Variants in HCK observed in about 807,000 individuals in gnomAD.
HCK encodes HCK proto-oncogene, Src family tyrosine kinase.
HCK carries 40 observed loss-of-function variants against 70.4 expected under a neutral mutation model. The observed-to-expected ratio is 0.57, with a 90% CI of 0.44 to 0.74. The LOEUF (loss-of-function observed/expected upper bound fraction) is 0.74. Among genes scored for constraint, HCK ranks in the 30% least tolerant of loss-of-function variants. The pLI is 0.00. For missense variants in HCK, 568 were observed against 697.2 expected (o/e 0.81, Z 2.09); for synonymous variants, 245 against 263.2 (o/e 0.93, Z 0.67).
intron 1 of HCK, among the ~76,000 whole-genome samples, chr20:32,060,855 G>A (rs1361398211): frequency 2.8e-4 from 43 of 151,954 alleles, no homozygotes; most frequent in Non-Finnish European, 1.8e-4. Context: ...AGAGCCATCA[G>A]ATAGTGGGGT....
intron 11 of HCK, among the ~76,000 whole-genome samples, chr20:32,094,819 A>AAG (rs2045929869): frequency 4.8e-5 from 7 of 146,162 alleles, no homozygotes; most frequent in Admixed American, 2.0e-4. Flanking sequence ...GAAAGAAAGA[A>AAG]AGAAAGAAAG....
chr20:32,061,008 G>C (rs373284340), intron 1 of HCK, among the ~76,000 whole-genome samples: 2 of 152,000 alleles, frequency 1.3e-5, no homozygotes, highest in Admixed American at 1.3e-4. Context: ...TTTTGAGACA[G>C]AGTCTTGCTC....
At chr20:32,059,419 C>T (rs6119756) in intron 1 of HCK, among the ~76,000 whole-genome samples, 83 of 145,290 alleles carry the variant, frequency 5.7e-4, no homozygotes, top group East Asian at 3.1e-3. Flanking sequence ...TTCTCTCTCT[C>T]TCTTTCTTTC....
At chr20:32,088,777 A>G (rs2045825172) in intron 10 of HCK, 133 bp downstream of exon 10, 3 of 653,506 alleles carry the variant, frequency 4.6e-6, no homozygotes, top group African/African-American at 3.7e-5. Context: ...CTCAGTATAA[A>G]ACTATGTTTT....
At chr20:32,058,269 C>T (rs575875420) in intron 1 of HCK, among the ~76,000 whole-genome samples, 4 of 152,104 alleles carry the variant, frequency 2.6e-5, no homozygotes, top group African/African-American at 7.2e-5. Context: ...CGGTGGCTCA[C>T]ACCTGTAATC....
chr20:32,053,994 G>A (rs186252870), intron 1 of HCK, among the ~76,000 whole-genome samples: 7 of 149,358 alleles, frequency 4.7e-5, no homozygotes, highest in African/African-American at 1.8e-4. Flanking sequence ...TCTCTTTATG[G>A]TCCTTTTTTT....
At chr20:32,067,758 G>A (rs2045480524) in intron 1 of HCK, among the ~76,000 whole-genome samples, 1 of 151,906 alleles carries the variant, frequency 6.6e-6, no homozygotes, top group African/African-American at 2.4e-5. Context: ...TTTGCATATG[G>A]TGGCTCTGAG....
Position 32,075,002 on chromosome 20 carries a change from C to A in HCK, c.428+281C>A, listed in dbSNP as rs3746601. ...GACCTGGTTTCTTTGGTTGGTTACA[C>A]GTGCATTCTCTGCCTGCCCTGCAAG... On this transcript the variant is annotated intron_variant, in intron 5 of 12. Coordinates refer to ENST00000375852, the MANE Select transcript of HCK (RefSeq NM_002110.5). Among the ~76,000 whole-genome samples the A allele has an allele frequency of 0.51, 78,011 of 152,100 alleles. 22,864 individuals carry two copies. The highest frequency in any genetic ancestry group is 0.71 in the East Asian group (3,662 of 5,176).
intron 1 of HCK, among the ~76,000 whole-genome samples, chr20:32,058,530 CAAA>C (rs11472244): frequency 1.5e-5 from 2 of 130,538 alleles, no homozygotes; most frequent in Admixed American, 7.9e-5. Flanking sequence ...AAGACTCTGT[CAAA>C]AAAAAAAAAA....
intron 1 of HCK, among the ~76,000 whole-genome samples, chr20:32,058,017 C>T (rs1049974157): frequency 1.3e-5 from 2 of 152,188 alleles, no homozygotes; most frequent in Non-Finnish European, 2.9e-5. Flanking sequence ...GAGTCACCTC[C>T]CTGAGTTCCA....
chr20:32,075,488 C>T (rs759387397), intron 5 of HCK, among the ~76,000 whole-genome samples: 2 of 152,172 alleles, frequency 1.3e-5, no homozygotes, highest in Admixed American at 6.5e-5. Flanking sequence ...TAGGCCTGAA[C>T]CACTGCACCT....
chr20:32,094,789 G>C (rs867377941), intron 11 of HCK, among the ~76,000 whole-genome samples: 2 of 20,100 alleles, frequency 1.0e-4, no homozygotes, highest in African/African-American at 1.7e-4. Flanking sequence ...GAGAGAAAGA[G>C]AAAGAAAGAA....
intron 4 of HCK, 48 bp downstream of exon 4, chr20:32,073,866 C>T (rs1349596235): frequency 1.8e-6 from 2 of 1,089,884 alleles, no homozygotes; most frequent in Non-Finnish European, 2.8e-6. Flanking sequence ...CTCCTCTACT[C>T]AACTATGTGC....
chr20:32,070,884 C>T (rs7264792), intron 1 of HCK, among the ~76,000 whole-genome samples: 16 of 138,698 alleles, frequency 1.2e-4, no homozygotes, highest in East Asian at 6.3e-4. Context: ...AGGAAGAAGA[C>T]GAAGAAAGAG....
In HCK at chr20:32,086,688, T is replaced by C; in HGVS notation, c.896T>C (p.Val299Ala). The change falls in exon 9 of 13, where the codon GTG becomes GCG. Residue 299 changes from valine to alanine, a missense_variant. Val to Ala is a moderately conservative substitution (Grantham distance 64). Around this residue, in one of 4 missense-constraint regions of HCK, gnomAD observed 160 missense variants for 237.5 expected, o/e 0.67. Coordinates refer to ENST00000375852, the MANE Select transcript of HCK (RefSeq NM_002110.5). ...ACGATGAAGCCAGGGAGCATGTCGG[T>C]GGAGGCCTTCCTGGCAGAGGCCAAC... is the stretch of plus-strand genomic sequence containing the variant. 1 of 1,613,324 alleles carries C rather than the reference T, an allele frequency of 6.2e-7. No individual in the cohort carries two copies. The highest frequency in any genetic ancestry group is 1.1e-5 in the South Asian group (1 of 91,042).
intron 5 of HCK, among the ~76,000 whole-genome samples, chr20:32,076,481 C>T (rs571679872): frequency 2.2e-4 from 33 of 152,314 alleles, no homozygotes; most frequent in Non-Finnish European, 1.5e-5. Context: ...TGGGTCACCT[C>T]ATGTAGTCCT....
chr20:32,058,605 A>AACACACACACACACAC lies in HCK; in HGVS notation c.62+6139_62+6154dup, dbSNP rs60349531. 9.8e-5 allele frequency among the ~76,000 whole-genome samples: 14 copies of AACACACACACACACAC among 142,434 alleles called. 1 individual carries two copies. In the East Asian group the frequency reaches 1.3e-3, roughly 13 times the overall value. The allele number at this position is 142,434 out of a possible 152,430, so 93.4% of individuals were successfully genotyped here. On this transcript the variant is annotated intron_variant, in intron 1 of 12. Transcript: ENST00000375852. ...TGCAGCACAATTCCTTTTATGTCAA[A>AACACACACACACACAC]ACACACACACACACACACACACACA... is the stretch of plus-strand genomic sequence containing the variant.
chr20:32,052,399 A>G lies in HCK; in HGVS notation c.-26A>G. ...AGAAAGTCAGTTTCCCGGCACTGGC[A>G]CCCCGGAACCTCAGGGGCTGCCGAG... On this transcript the variant is annotated 5_prime_UTR_variant, in exon 1 of 13. Transcript: ENST00000375852. 1 of 1,283,834 alleles carries G rather than the reference A, an allele frequency of 7.8e-7. No individual in the cohort carries two copies. The highest frequency in any genetic ancestry group is 2.7e-5 in the South Asian group (1 of 36,648). 79.5% of individuals were successfully genotyped at this position (1,283,834 alleles called of 1,614,324 possible). A position where few individuals can be genotyped will look rare whatever the true frequency, so the allele number is the denominator to read the frequency against.
chr20:32,052,423 A>G lies in HCK; in HGVS notation c.-2A>G, dbSNP rs2045185842. ...CACCCCGGAACCTCAGGGGCTGCCGAGCTGGGGGGGCGCTCAAGCTGCGAG... is the reference window on the plus strand; with the variant it reads ...CACCCCGGAACCTCAGGGGCTGCCGGGCTGGGGGGGCGCTCAAGCTGCGAG... On this transcript the variant is annotated 5_prime_UTR_variant, in exon 1 of 13. Coordinates refer to ENST00000375852, the MANE Select transcript of HCK (RefSeq NM_002110.5). The G allele has an allele frequency of 7.0e-6, 9 of 1,284,046 alleles. No individual in the cohort carries two copies. The Admixed American group carries it at 3.8e-4, about 54-fold the overall frequency. The allele number at this position is 1,284,046 out of a possible 1,614,324, so 79.5% of individuals were successfully genotyped here.
Sources: gnomAD v4.1 joint callset for allele counts (sites outside exome capture counted in the v4.1 genomes callset) on GRCh38, gnomAD v4.1.1 for gene constraint, gnomAD v4.1.1 regional missense constraint, MANE v1.5 for transcripts, NCBI Gene and HGNC (gene_info 2026-07-23, HGNC 2026-07-21) for gene names.